The following MAP3K15 variants were observed in gnomAD, a reference collection of about 807,000 sequenced individuals.
MAP3K15 encodes mitogen-activated protein kinase kinase kinase 15.
A neutral mutation model predicts 99.5 loss-of-function variants in MAP3K15; 124 were observed. That is an observed-to-expected ratio of 1.25 (90% CI 1.08 to 1.45). MAP3K15 has a LOEUF of 1.45. MAP3K15 is among the 40% of genes most tolerant of loss of function. The pLI, the probability that MAP3K15 is intolerant of heterozygous loss-of-function variation, is 0.00. For missense variants in MAP3K15, 1,242 were observed against 1,079.7 expected (o/e 1.15, Z -2.11); for synonymous variants, 494 against 439.6 (o/e 1.12, Z -1.55).
chrX:19,434,643 C>T (rs1026687201), intron 6 of MAP3K15, among the ~76,000 whole-genome samples: 23 of 111,626 alleles, frequency 2.1e-4, no homozygotes, highest in African/African-American at 9.8e-5. Flanking sequence ...CTTTCTCAAC[C>T]GGGGTTCCAT....
chrX:19,471,187 C>T (rs1281895628), intron 3 of MAP3K15, among the ~76,000 whole-genome samples: 1 of 111,261 alleles, frequency 9.0e-6, no homozygotes, highest in East Asian at 2.8e-4. Flanking sequence ...TATGTGACAC[C>T]TAATATGAGT....
chrX:19,438,513 G>A (rs2063937899), intron 6 of MAP3K15, among the ~76,000 whole-genome samples: 1 of 112,131 alleles, frequency 8.9e-6, no homozygotes, highest in African/African-American at 3.2e-5. Context: ...TGAATTTTGA[G>A]GAGGGCACTT....
At chrX:19,410,232 T>C (rs1014089726) in intron 11 of MAP3K15, among the ~76,000 whole-genome samples, 4 of 112,668 alleles carry the variant, frequency 3.6e-5, no homozygotes, top group Admixed American at 9.4e-5. Flanking sequence ...ATAATAAGCA[T>C]AGAATAAACA....
chrX:19,463,087 C>T (rs2064143054), intron 4 of MAP3K15, among the ~76,000 whole-genome samples: 1 of 111,984 alleles, frequency 8.9e-6, no homozygotes, highest in African/African-American at 3.2e-5. Context: ...TAAAACTTCA[C>T]TCAAGTGTTT....
At chrX:19,411,081 G>A (rs899220716) in intron 11 of MAP3K15, among the ~76,000 whole-genome samples, 1 of 109,968 alleles carries the variant, frequency 9.1e-6, no homozygotes, top group Admixed American at 9.8e-5. Context: ...CAACTCAGGA[G>A]GCTGAGATGG....
At chrX:19,465,179 C>T (rs901924205) in intron 3 of MAP3K15, among the ~76,000 whole-genome samples, 2 of 111,366 alleles carry the variant, frequency 1.8e-5, no homozygotes, top group African/African-American at 6.5e-5. Flanking sequence ...CAGGCTTGAG[C>T]CACCATATCT....
At chrX:19,394,192 A>G (rs1179968951) in intron 16 of MAP3K15, among the ~76,000 whole-genome samples, 1 of 111,979 alleles carries the variant, frequency 8.9e-6, no homozygotes, top group Non-Finnish European at 1.9e-5. Context: ...CTGTATTCAG[A>G]TAACTATTAT....
intron 1 of MAP3K15, among the ~76,000 whole-genome samples, chrX:19,509,015 C>T (rs2064499481): frequency 8.9e-6 from 1 of 112,149 alleles, no homozygotes; most frequent in Admixed American, 9.5e-5. Context: ...TCCACTTGCT[C>T]TTGCTTACGT....
At chrX:19,469,155 C>T (rs1569235197) in intron 3 of MAP3K15, among the ~76,000 whole-genome samples, 1 of 111,613 alleles carries the variant, frequency 9.0e-6, no homozygotes, top group Non-Finnish European at 1.9e-5. Context: ...AACTATACTA[C>T]AAGGCTACGG....
chrX:19,375,091 A>G (rs962846342), intron 19 of MAP3K15, among the ~76,000 whole-genome samples: 1 of 112,340 alleles, frequency 8.9e-6, no homozygotes. Context: ...GGCTGCAACC[A>G]TGTGAGTGAG....
chrX:19,413,467 G>C lies in MAP3K15; in HGVS notation c.1591-3C>G. 8.5e-7 allele frequency: 1 copy of C among 1,180,548 alleles called. No individual in the cohort carries two copies. On this transcript the variant is annotated splice_region_variant and splice_polypyrimidine_tract_variant and intron_variant, in intron 10 of 28. Coordinates refer to ENST00000338883, the MANE Select transcript of MAP3K15 (RefSeq NM_001001671.4). ...TTGGTTGGCTCTATGACCAGAACCTGAAACAAGAACAGATGCCTGTTAACG... is the reference window on the plus strand; with the variant it reads ...TTGGTTGGCTCTATGACCAGAACCTCAAACAAGAACAGATGCCTGTTAACG...
At chrX:19,361,616 ATATAT>A (rs745681893) in intron 26 of MAP3K15, 23 bp from the exon 27 acceptor site, 1 of 1,066,951 alleles carries the variant, frequency 9.4e-7, no homozygotes, top group South Asian at 1.9e-5. Flanking sequence ...GCAATTTGTT[ATATAT>A]TAGTCTAACC....
intron 6 of MAP3K15, among the ~76,000 whole-genome samples, chrX:19,438,294 G>A (rs889417233): frequency 9.0e-6 from 1 of 111,065 alleles, no homozygotes; most frequent in African/African-American, 3.3e-5. Context: ...ATTTGGTAGA[G>A]ATGGGGTCTC....
intron 12 of MAP3K15, among the ~76,000 whole-genome samples, chrX:19,409,209 C>T (rs1367419469): frequency 2.7e-5 from 3 of 111,553 alleles, no homozygotes; most frequent in African/African-American, 9.8e-5. Context: ...GCTGAGGTAG[C>T]CTCAGAGTCA....
chrX:19,504,150 AAG>A (rs2064459264), intron 1 of MAP3K15, among the ~76,000 whole-genome samples: 1 of 109,049 alleles, frequency 9.2e-6, no homozygotes, highest in Admixed American at 9.9e-5. Flanking sequence ...GGGGGAAAGA[AAG>A]AGAAAAGAGA....
At chrX:19,442,900 T>A (rs2063969548) in intron 6 of MAP3K15, among the ~76,000 whole-genome samples, 1 of 105,495 alleles carries the variant, frequency 9.5e-6, no homozygotes, top group Non-Finnish European at 1.9e-5. Flanking sequence ...TTTTTTATAT[T>A]TTTAGTAGAG....
At chrX:19,396,205 G>A (rs780991256) in intron 15 of MAP3K15, among the ~76,000 whole-genome samples, 7 of 111,632 alleles carry the variant, frequency 6.3e-5, no homozygotes, top group African/African-American at 2.0e-4. Flanking sequence ...ATCACCTTTC[G>A]GTCCCCAGTG....
rs766815980 is a variant in MAP3K15 at position 19,392,035 on chromosome X, CA to C, written c.2397del (p.Ala800ArgfsTer3). On this transcript the variant is annotated frameshift_variant, in exon 18 of 29. Transcript: ENST00000338883. LOFTEE classifies it high-confidence loss of function. Reference sequence around the variant, plus strand: ...GTCTCTGTGCAGGGGTTCACACCCGCAAGACGTTTCGAGGTTCCAAAATCGG... The same window carrying C: ...GTCTCTGTGCAGGGGTTCACACCCGCAGACGTTTCGAGGTTCCAAAATCGG... ...KISDFGTSKR[L>X]AGVNPCTETF... is the part of the protein sequence containing the mutation. The C allele has an allele frequency of 8.3e-7, 1 of 1,210,747 alleles. No homozygotes were observed. The highest frequency in any genetic ancestry group is 1.1e-6 in the Non-Finnish European group (1 of 894,529).
intron 1 of MAP3K15, among the ~76,000 whole-genome samples, chrX:19,513,482 A>G (rs1490729790): frequency 8.9e-6 from 1 of 111,859 alleles, no homozygotes; most frequent in African/African-American, 3.2e-5. Flanking sequence ...GCTGAAGAGT[A>G]TACTCAGTGT....
Sources: allele counts gnomAD v4.1 joint callset (sites outside exome capture counted in the v4.1 genomes callset), GRCh38; gene constraint gnomAD v4.1.1; transcripts MANE v1.5; gene names NCBI Gene and HGNC (gene_info 2026-07-23, HGNC 2026-07-21).